Variants in TENM4 observed in about 807,000 individuals in gnomAD.
TENM4 encodes teneurin transmembrane protein 4.
TENM4 carries 82 observed loss-of-function variants against 243.3 expected under a neutral mutation model. The observed-to-expected ratio is 0.34, with a 90% CI of 0.28 to 0.40. TENM4 has a LOEUF of 0.40. TENM4 is among the 10% of genes least tolerant of loss of function. The probability of loss-of-function intolerance (pLI) is 1.00; values close to 1 mark genes in which losing one functional copy is unlikely to be tolerated. For missense variants in TENM4, 3,138 were observed against 3,673.3 expected (o/e 0.85, Z 3.77); for synonymous variants, 1,412 against 1,456.3 (o/e 0.97, Z 0.69).
chr11:78,970,326 A>G (rs1179446635), intron 6 of TENM4, among the ~76,000 whole-genome samples: 4 of 152,172 alleles, frequency 2.6e-5, no homozygotes, highest in Non-Finnish European at 2.9e-5. Flanking sequence ...TAGTTATTTG[A>G]AATGGATTGG....
At chr11:79,102,318 C>T (rs894124658) in intron 4 of TENM4, among the ~76,000 whole-genome samples, 2 of 152,216 alleles carry the variant, frequency 1.3e-5, no homozygotes, top group Admixed American at 6.5e-5. Flanking sequence ...CTGAGAAGGT[C>T]GCACAGTGCT....
intron 6 of TENM4, among the ~76,000 whole-genome samples, chr11:79,041,082 G>A (rs1475850953): frequency 1.0e-5 from 1 of 96,064 alleles, no homozygotes; most frequent in African/African-American, 4.4e-5. Flanking sequence ...TTTTTTTTTT[G>A]AGACAGAGTC....
intron 3 of TENM4, among the ~76,000 whole-genome samples, chr11:79,154,136 T>C (rs1466469688): frequency 9.1e-6 from 1 of 110,012 alleles, no homozygotes; most frequent in Non-Finnish European, 1.8e-5. Context: ...TGATGTTGGG[T>C]AATTAAAAAA....
chr11:78,984,730 G>A (rs556456652), intron 6 of TENM4, among the ~76,000 whole-genome samples: 24 of 152,294 alleles, frequency 1.6e-4, no homozygotes, highest in African/African-American at 5.1e-4. Flanking sequence ...ATGGCATAGT[G>A]ATTAAGCACG....
At chr11:79,335,975 G>A (rs1406690039) in intron 1 of TENM4, among the ~76,000 whole-genome samples, 1 of 151,768 alleles carries the variant, frequency 6.6e-6, no homozygotes. Context: ...AGCTCTCTTT[G>A]CTGATTCCCT....
intron 1 of TENM4, among the ~76,000 whole-genome samples, chr11:79,372,730 T>G (rs1857811701): frequency 6.6e-6 from 1 of 152,138 alleles, no homozygotes; most frequent in Non-Finnish European, 1.5e-5. Context: ...ATATATGAGC[T>G]CATGAAGATA....
intron 1 of TENM4, among the ~76,000 whole-genome samples, chr11:79,400,099 C>CCCCACA (rs1555062824): frequency 7.7e-4 from 108 of 140,676 alleles, no homozygotes; most frequent in Non-Finnish European, 4.6e-4. Flanking sequence ...TAAACACACA[C>CCCCACA]CACACACACA....
chr11:79,189,590 T>A (rs1027416940), intron 3 of TENM4, among the ~76,000 whole-genome samples: 1 of 152,254 alleles, frequency 6.6e-6, no homozygotes, highest in Non-Finnish European at 1.5e-5. Flanking sequence ...CATTTAGCAC[T>A]ACTCTCTCTC....
At chr11:79,314,346 TA>T (rs1856770621) in intron 1 of TENM4, among the ~76,000 whole-genome samples, 1 of 152,216 alleles carries the variant, frequency 6.6e-6, no homozygotes, top group South Asian at 2.1e-4. Flanking sequence ...ATAATAATAT[TA>T]ATAAGAATTT....
intron 6 of TENM4, among the ~76,000 whole-genome samples, chr11:79,022,041 A>G (rs1858943525): frequency 6.6e-6 from 1 of 152,170 alleles, no homozygotes; most frequent in Non-Finnish European, 1.5e-5. Flanking sequence ...ATTGATGGTG[A>G]GATAACCCAT....
chr11:79,167,436 C>A (rs1410026884), intron 3 of TENM4, among the ~76,000 whole-genome samples: 2 of 152,190 alleles, frequency 1.3e-5, no homozygotes, highest in Admixed American at 1.3e-4. Context: ...ATACATATCA[C>A]CTCAACTAAT....
intron 2 of TENM4, among the ~76,000 whole-genome samples, chr11:79,230,731 C>T (rs999530009): frequency 3.3e-5 from 5 of 152,176 alleles, no homozygotes; most frequent in Admixed American, 6.5e-5. Context: ...GTTTTCTGAG[C>T]CCTGTGACAT....
At chr11:78,760,576 C>T (rs910186879) in intron 18 of TENM4, among the ~76,000 whole-genome samples, 2 of 152,218 alleles carry the variant, frequency 1.3e-5, no homozygotes, top group Non-Finnish European at 2.9e-5. Context: ...GACTGAGACT[C>T]TGACTGCAAG....
chr11:78,932,267 C>T (rs1856685912), intron 6 of TENM4, among the ~76,000 whole-genome samples: 1 of 152,184 alleles, frequency 6.6e-6, no homozygotes, highest in Non-Finnish European at 1.5e-5. Context: ...CCCTCACCAC[C>T]ACCCCCAGGT....
chr11:78,928,716 G>T (rs906610948), intron 6 of TENM4, among the ~76,000 whole-genome samples: 1 of 152,078 alleles, frequency 6.6e-6, no homozygotes, highest in Admixed American at 6.6e-5. Context: ...ATAAATTGTT[G>T]TAAGGATCAA....
intron 6 of TENM4, among the ~76,000 whole-genome samples, chr11:79,037,015 C>CAAAAAAAAAAAAAAAAAAAAAAAAA (rs369421583): frequency 2.2e-5 from 2 of 91,084 alleles, no homozygotes; most frequent in Admixed American, 1.3e-4. Context: ...GACTCCATCT[C>CAAAAAAAAAAAAAAAAAAAAAAAAA]AAAAAAAAAA....
At chr11:78,941,273 G>A (rs1442751473) in intron 6 of TENM4, among the ~76,000 whole-genome samples, 1 of 152,218 alleles carries the variant, frequency 6.6e-6, no homozygotes, top group East Asian at 1.9e-4. Flanking sequence ...AAGATGAAAT[G>A]AGACCAGAGA....
intron 6 of TENM4, among the ~76,000 whole-genome samples, chr11:79,039,575 A>T (rs1211088150): frequency 3.3e-5 from 5 of 152,216 alleles, no homozygotes; most frequent in Non-Finnish European, 7.3e-5. Flanking sequence ...GAACCCTTTT[A>T]TCAGCAGATG....
chr11:79,230,602 G>A (rs1018851057), intron 2 of TENM4, among the ~76,000 whole-genome samples: 3 of 152,178 alleles, frequency 2.0e-5, no homozygotes, highest in African/African-American at 7.2e-5. Flanking sequence ...TACTTACAAT[G>A]CTATTAGAGG....
Sources: allele counts gnomAD v4.1 joint callset (sites outside exome capture counted in the v4.1 genomes callset), GRCh38; gene constraint gnomAD v4.1.1; transcripts MANE v1.5; gene names NCBI Gene and HGNC (gene_info 2026-07-23, HGNC 2026-07-21).